The following TMEM132C variants were observed in gnomAD, a reference collection of about 807,000 sequenced individuals.
The protein encoded by TMEM132C is protein phosphatase 1, regulatory subunit 152.
Under a neutral mutation model 61.4 loss-of-function variants are expected in TMEM132C, and 29 were observed. The observed-to-expected ratio is 0.47, with a 90% CI of 0.35 to 0.64. The LOEUF is 0.64. Ranked by LOEUF, TMEM132C falls within the 30% of genes least tolerant of loss-of-function variation. TMEM132C has a pLI of 0.00. For missense variants in TMEM132C, 1,408 were observed against 1,476.9 expected, an observed-to-expected ratio of 0.95 and a Z score of 0.76; for synonymous variants, 656 against 633.1, an observed-to-expected ratio of 1.04 and a Z score of -0.54.
intron 1 of TMEM132C, among the ~76,000 whole-genome samples, chr12:128,392,052 G>GTCTCTGTCTC (rs1555221997): frequency 5.6e-5 from 7 of 125,550 alleles, no homozygotes; most frequent in African/African-American, 1.8e-4. Context: ...CTCTGTCTCT[G>GTCTCTGTCTC]TCTCTCTCTC....
At chr12:128,593,262 CCT>C (rs1236343337) in intron 3 of TMEM132C, among the ~76,000 whole-genome samples, 2 of 149,836 alleles carry the variant, frequency 1.3e-5, no homozygotes, top group Non-Finnish European at 3.0e-5. Context: ...TTCTCTCTTA[CCT>C]CTCTCTCTTT....
At chr12:128,366,355 G>C (rs1014283194) in intron 1 of TMEM132C, among the ~76,000 whole-genome samples, 7 of 152,234 alleles carry the variant, frequency 4.6e-5, no homozygotes, top group Non-Finnish European at 1.0e-4. Flanking sequence ...CAACTGCACA[G>C]TGCGAACTTG....
At chr12:128,446,872 G>A (rs185600560) in intron 2 of TMEM132C, among the ~76,000 whole-genome samples, 5 of 152,154 alleles carry the variant, frequency 3.3e-5, no homozygotes, top group Non-Finnish European at 7.3e-5. Context: ...TTGCTGCATA[G>A]ACAGATACAA....
intron 1 of TMEM132C, among the ~76,000 whole-genome samples, chr12:128,393,892 T>A (rs1565922762): frequency 1.3e-5 from 2 of 152,236 alleles, no homozygotes; most frequent in Non-Finnish European, 2.9e-5. Flanking sequence ...AACAACTCCC[T>A]TTTGTAGCTC....
intron 2 of TMEM132C, among the ~76,000 whole-genome samples, chr12:128,513,724 T>C (rs140713229): frequency 3.7e-4 from 56 of 152,326 alleles, no homozygotes; most frequent in African/African-American, 1.3e-3. Flanking sequence ...GAGATTTCTT[T>C]TTACTGAAGA....
At chr12:128,314,831 A>G (rs1593007841) in intron 1 of TMEM132C, among the ~76,000 whole-genome samples, 3 of 152,278 alleles carry the variant, frequency 2.0e-5, no homozygotes, top group Admixed American at 2.0e-4. Flanking sequence ...CTGTCTGAGA[A>G]TAAATTTCCA....
At chr12:128,650,994 G>T (rs1003679048) in intron 4 of TMEM132C, among the ~76,000 whole-genome samples, 6 of 152,070 alleles carry the variant, frequency 3.9e-5, no homozygotes, top group Non-Finnish European at 8.8e-5. Flanking sequence ...CAGCAGCATG[G>T]GTATAAATCT....
At chr12:128,541,027 G>GTCTCTCTCTCTCTCTC (rs71449354) in intron 2 of TMEM132C, among the ~76,000 whole-genome samples, 10 of 149,804 alleles carry the variant, frequency 6.7e-5, no homozygotes, top group South Asian at 2.2e-4. Context: ...CTCTTTCTCT[G>GTCTCTCTCTCTCTCTC]TCTCTCTCTC....
chr12:128,415,028 G>C lies in TMEM132C; in HGVS notation c.382G>C (p.Asp128His), dbSNP rs750802310. 2.6e-6 allele frequency: 4 copies of C among 1,565,338 alleles called. No homozygotes were observed. The South Asian group carries it at 3.5e-5, about 14-fold the overall frequency. Residue 128 changes from aspartate to histidine, a missense_variant, in exon 2 of 9, where the codon GAT becomes CAT. Asp to His is a moderately conservative substitution (Grantham distance 81, BLOSUM62 -1). Coordinates refer to ENST00000435159, the MANE Select transcript of TMEM132C (RefSeq NM_001136103.3). The surrounding 1 kb of genome is among the most constrained non-coding windows in gnomAD (Gnocchi z 5.8). Reference protein sequence around the residue: ...FLGPTNKFSFDWKLKAHILRD... With the variant: ...FLGPTNKFSFHWKLKAHILRD... ...AGGTCCAACCAATAAGTTTAGTTTT[G>C]ATTGGAAACTAAAAGCCCACATCCT...
intron 3 of TMEM132C, among the ~76,000 whole-genome samples, chr12:128,584,103 G>A (rs970474423): frequency 6.6e-6 from 1 of 152,220 alleles, no homozygotes; most frequent in African/African-American, 2.4e-5. Context: ...AGAGGCAGAT[G>A]ATCCACTGTT....
intron 1 of TMEM132C, among the ~76,000 whole-genome samples, chr12:128,387,814 AAG>A (rs1874634489): frequency 6.6e-6 from 1 of 152,148 alleles, no homozygotes; most frequent in African/African-American, 2.4e-5. Flanking sequence ...TCTAAAAAGA[AAG>A]ACAAAAATCA....
chr12:128,648,834 G>A (rs1436832900), intron 4 of TMEM132C, among the ~76,000 whole-genome samples: 1 of 151,774 alleles, frequency 6.6e-6, no homozygotes, highest in South Asian at 2.1e-4. Flanking sequence ...GGATGTGAGT[G>A]TGTTTACTGG....
intron 5 of TMEM132C, among the ~76,000 whole-genome samples, chr12:128,682,474 A>G (rs1408156545): frequency 1.3e-5 from 2 of 152,064 alleles, no homozygotes; most frequent in African/African-American, 4.8e-5. Flanking sequence ...AGAACGGGGT[A>G]CTCTCTGGGC....
chr12:128,541,330 T>G (rs1873742921), intron 2 of TMEM132C, among the ~76,000 whole-genome samples: 1 of 152,204 alleles, frequency 6.6e-6, no homozygotes, highest in Non-Finnish European at 1.5e-5. Context: ...AATCCTGTCC[T>G]TTGGGGCTTT....
At chr12:128,489,563 A>ATATT (rs1491586119) in intron 2 of TMEM132C, among the ~76,000 whole-genome samples, 260 of 36,290 alleles carry the variant, frequency 7.2e-3, no homozygotes, top group East Asian at 0.034. Context: ...TTATATGCTC[A>ATATT]TATATATATA....
At chr12:128,697,522 ATGT>A (rs1369690996) in intron 8 of TMEM132C, 107 bp downstream of exon 8, 28 of 1,171,842 alleles carry the variant, frequency 2.4e-5, no homozygotes, top group Middle Eastern at 3.0e-4. Context: ...TAGCAGAACC[ATGT>A]TCCACAATGG....
intron 5 of TMEM132C, among the ~76,000 whole-genome samples, chr12:128,689,769 C>T (rs941240681): frequency 1.3e-5 from 2 of 152,006 alleles, no homozygotes; most frequent in East Asian, 1.9e-4. Context: ...GAGTAGATCT[C>T]ACAGTGGTAC....
chr12:128,325,945 C>T (rs1451830644), intron 1 of TMEM132C, among the ~76,000 whole-genome samples: 1 of 152,046 alleles, frequency 6.6e-6, no homozygotes, highest in African/African-American at 2.4e-5. Context: ...TCTGCAGCCC[C>T]ACAGTGAGCA....
At chr12:128,587,918 A>T (rs747306964) in intron 3 of TMEM132C, among the ~76,000 whole-genome samples, 24 of 152,350 alleles carry the variant, frequency 1.6e-4, no homozygotes, top group Admixed American at 3.3e-4. Context: ...TGCATTCCAA[A>T]TATGAAGTTT....
Sources: allele counts gnomAD v4.1 joint callset (sites outside exome capture counted in the v4.1 genomes callset), GRCh38; gene constraint gnomAD v4.1.1; non-coding constraint Gnocchi (gnomAD v3.1); transcripts MANE v1.5; gene names NCBI Gene and HGNC (gene_info 2026-07-23, HGNC 2026-07-21).